INTS2: variants seen among roughly 807,000 people sequenced by gnomAD.
The protein encoded by INTS2 is KIAA1287.
In INTS2, 57 loss-of-function variants were observed where a neutral mutation model predicts 139.6. The observed-to-expected ratio is 0.41, with a 90% CI of 0.33 to 0.51. The LOEUF is 0.51. INTS2 is among the 20% of genes least tolerant of loss of function. The pLI is 0.28. For missense variants in INTS2, 1,196 were observed against 1,436.7 expected (o/e 0.83, Z 2.71); for synonymous variants, 473 against 493.4 (o/e 0.96, Z 0.55).
chr17:61,880,001 C>A (rs887610904), intron 17 of INTS2, among the ~76,000 whole-genome samples: 1 of 152,078 alleles, frequency 6.6e-6, no homozygotes, highest in African/African-American at 2.4e-5. Context: ...TTTAACAGTG[C>A]TGATCTAGAA....
In INTS2 at chr17:61,868,376, TC is replaced by T. The variant is rs1172928612; in HGVS notation, c.3245-368del. ...GTTAGTGGTGGGGCTGAGATTGAATTCAGGCAGTGTAAACTCTTAATCACTA... is the reference window on the plus strand; with the variant it reads ...GTTAGTGGTGGGGCTGAGATTGAATTAGGCAGTGTAAACTCTTAATCACTA... On this transcript the variant is annotated intron_variant, in intron 23 of 24. Transcript: ENST00000251334. The surrounding 1 kb of genome is among the most constrained non-coding windows in gnomAD (Gnocchi z 4.7). Among the ~76,000 whole-genome samples, 1 of 152,136 alleles carries T rather than the reference TC, an allele frequency of 6.6e-6. No homozygotes were observed. The highest frequency in any genetic ancestry group is 1.5e-5 in the Non-Finnish European group (1 of 67,982).
rs2079054838 is a variant in INTS2, at chr17:61,867,512, T to C, written c.*45A>G. ...GTTGTTACTAATATGCAGATTCATG[T>C]TGGGTATATGCAGCAAACAACTTTT... On this transcript the variant is annotated 3_prime_UTR_variant, in exon 25 of 25. Transcript: ENST00000251334. This position sits in a 1 kb window ranked among gnomAD's most constrained non-coding sequence, Gnocchi z 5.6. 2 of 1,212,502 alleles carry C rather than the reference T, an allele frequency of 1.6e-6. No homozygotes were observed. Among genetic ancestry groups the C allele is most frequent in the Non-Finnish European group, 2.4e-6 (2 of 844,492 alleles). 75.1% of individuals were successfully genotyped at this position (1,212,502 alleles called of 1,614,324 possible). A position where few individuals can be genotyped will look rare whatever the true frequency, so the allele number is the denominator to read the frequency against.
intron 5 of INTS2, among the ~76,000 whole-genome samples, chr17:61,914,513 C>T (rs1451792358): frequency 6.6e-6 from 1 of 152,056 alleles, no homozygotes; most frequent in Non-Finnish European, 1.5e-5. Context: ...TCCTGGCTAA[C>T]ACGGTGAAAC....
intron 4 of INTS2, 59 bp from the exon 5 acceptor site, chr17:61,919,572 G>T: frequency 1.1e-6 from 1 of 877,338 alleles, no homozygotes; most frequent in Non-Finnish European, 1.8e-6. Context: ...ACCACACCCA[G>T]CTAATTTTTT....
At chr17:61,917,200 G>A (rs1426515309) in intron 5 of INTS2, among the ~76,000 whole-genome samples, 2 of 152,184 alleles carry the variant, frequency 1.3e-5, no homozygotes, top group Non-Finnish European at 2.9e-5. Context: ...ATGTAAATTA[G>A]TTCAGCCACT....
intron 3 of INTS2, 114 bp downstream of exon 3, chr17:61,924,847 A>G (rs1024483870): frequency 2.4e-5 from 25 of 1,038,146 alleles, no homozygotes; most frequent in African/African-American, 3.2e-5. Context: ...AAAGAACAAA[A>G]TAAGAGTAGA....
At chr17:61,899,698 C>T (rs2079385315) in intron 9 of INTS2, among the ~76,000 whole-genome samples, 1 of 151,888 alleles carries the variant, frequency 6.6e-6, no homozygotes, top group Non-Finnish European at 1.5e-5. Flanking sequence ...ATAGCTTGAG[C>T]CCAGCAGTTC....
Position 61,904,603 on chromosome 17 carries a change from A to AT in INTS2, c.1182-19dup. On this transcript the variant is annotated intron_variant, in intron 8 of 24. Coordinates refer to ENST00000251334, the MANE Select transcript of INTS2 (RefSeq NM_001351695.2). ...CAGTTGGTCTAAAAAGGAATACATC[A>AT]TTAGGCTTTACATTTTTAGTTGGGA... The AT allele has an allele frequency of 6.4e-7, 1 of 1,573,644 alleles. No individual in the cohort carries two copies. The highest frequency in any genetic ancestry group is 8.6e-7 in the Non-Finnish European group (1 of 1,162,068).
intron 18 of INTS2, 99 bp downstream of exon 18, chr17:61,877,788 A>G (rs748573414): frequency 1.9e-4 from 153 of 812,530 alleles, no homozygotes; most frequent in Non-Finnish European, 2.9e-4. Flanking sequence ...AAATACTGCT[A>G]TGAGTGGTGA....
rs67714239 is a variant in INTS2, at chr17:61,909,121, C to CT, written c.955-1488dup. 0.16 allele frequency among the ~76,000 whole-genome samples: 24,668 copies of CT among 151,118 alleles called. 2,121 individuals are homozygous for CT. The highest frequency in any genetic ancestry group is 0.32 in the Middle Eastern group (94 of 294). Reference sequence around the variant, plus strand: ...ATACACACAATGGAATATTATTTTTCTTTTTTTTTGAGACCGAGTCCTGCT... The same window carrying CT: ...ATACACACAATGGAATATTATTTTTCTTTTTTTTTTGAGACCGAGTCCTGCT... On this transcript the variant is annotated intron_variant, in intron 7 of 24. Coordinates refer to ENST00000251334, the MANE Select transcript of INTS2 (RefSeq NM_001351695.2). This position sits in a 1 kb window ranked among gnomAD's most constrained non-coding sequence, Gnocchi z 4.9.
rs934757657 is a variant in INTS2, at chr17:61,871,858, C to T, written c.2778+407G>A. 2.0e-5 allele frequency among the ~76,000 whole-genome samples: 3 copies of T among 151,958 alleles called. No homozygotes were observed. The highest frequency in any genetic ancestry group is 2.9e-5 in the Non-Finnish European group (2 of 67,978). ...CTGAGGCAGGAGAACTGCTTGAACCCGGGAGGCGGATGTTGCCATGAGCCA... is the reference window on the plus strand; with the variant it reads ...CTGAGGCAGGAGAACTGCTTGAACCTGGGAGGCGGATGTTGCCATGAGCCA... On this transcript the variant is annotated intron_variant, in intron 20 of 24. Transcript: ENST00000251334. The surrounding 1 kb of genome is among the most constrained non-coding windows in gnomAD (Gnocchi z 4.9).
intron 6 of INTS2, 67 bp downstream of exon 6, chr17:61,911,873 C>T: frequency 1.3e-6 from 2 of 1,539,368 alleles, no homozygotes; most frequent in Non-Finnish European, 1.8e-6. Flanking sequence ...GACTCTAAAA[C>T]CATCTTGAGA....
intron 5 of INTS2, among the ~76,000 whole-genome samples, chr17:61,915,634 C>T (rs1360486491): frequency 1.1e-4 from 16 of 142,396 alleles, no homozygotes; most frequent in Non-Finnish European, 2.1e-4. Context: ...CTGGCTAACA[C>T]GGTGAAACCC....
At chr17:61,916,817 A>G (rs2079587414) in intron 5 of INTS2, among the ~76,000 whole-genome samples, 2 of 152,214 alleles carry the variant, frequency 1.3e-5, no homozygotes, top group South Asian at 4.1e-4. Context: ...TTTAAATTAA[A>G]GATATTCTGC....
At chr17:61,901,243 G>A (rs958464373) in intron 9 of INTS2, among the ~76,000 whole-genome samples, 4 of 151,636 alleles carry the variant, frequency 2.6e-5, no homozygotes, top group African/African-American at 2.4e-5. Flanking sequence ...AGTTTGCCCC[G>A]AGCAACAGAG....
At chr17:61,918,841 G>A (rs1009614843) in intron 5 of INTS2, among the ~76,000 whole-genome samples, 5 of 150,874 alleles carry the variant, frequency 3.3e-5, no homozygotes, top group Admixed American at 6.6e-5. Context: ...TACATATCCC[G>A]TATTGCTCTC....
At chr17:61,921,860 A>G in intron 3 of INTS2, 33 bp from the exon 4 acceptor site, 2 of 1,097,358 alleles carry the variant, frequency 1.8e-6, no homozygotes, top group South Asian at 2.9e-5. Context: ...TATAAACTCT[A>G]TTAATTTCAG....
In INTS2 at chr17:61,904,596, A is replaced by G. The variant is rs371665489; in HGVS notation, c.1182-11T>C. The stretch of plus-strand genomic sequence containing the variant: ...TCTTCTTCAGTTGGTCTAAAAAGGA[A>G]TACATCATTAGGCTTTACATTTTTA... On this transcript the variant is annotated splice_polypyrimidine_tract_variant and intron_variant, in intron 8 of 24. Coordinates refer to ENST00000251334, the MANE Select transcript of INTS2 (RefSeq NM_001351695.2). The G allele has an allele frequency of 1.4e-5, 22 of 1,603,746 alleles. No homozygotes were observed. In the African/African-American group the frequency reaches 1.5e-4, roughly 11 times the overall value.
In INTS2 at chr17:61,925,104, T is replaced by C; in HGVS notation, c.294-5A>G. ...CTGCCTCCTCCAAGTTTATGCCTAA[T>C]GAAGTACAAAACATGTAACAATTAT... On this transcript the variant is annotated splice_region_variant and splice_polypyrimidine_tract_variant and intron_variant, in intron 2 of 24. Transcript: ENST00000251334. 1 of 1,612,496 alleles carries C rather than the reference T, an allele frequency of 6.2e-7. No homozygotes were observed.
Sources: gnomAD v4.1 joint callset for allele counts (sites outside exome capture counted in the v4.1 genomes callset) on GRCh38, gnomAD v4.1.1 for gene constraint, Gnocchi (gnomAD v3.1) non-coding constraint, MANE v1.5 for transcripts, NCBI Gene and HGNC (gene_info 2026-07-23, HGNC 2026-07-21) for gene names.